The following ATCAY variants were observed in gnomAD, a reference collection of about 807,000 sequenced individuals.
The protein encoded by ATCAY is caytaxin.
In ATCAY, 22 loss-of-function variants were observed where a neutral mutation model predicts 47.7. The observed-to-expected ratio is 0.46, with a 90% CI of 0.33 to 0.66. The LOEUF (loss-of-function observed/expected upper bound fraction) is 0.66. Among genes scored for constraint, ATCAY ranks in the 30% least tolerant of loss-of-function variants. The probability of loss-of-function intolerance (pLI) is 0.02; values close to 1 mark genes in which losing one functional copy is unlikely to be tolerated. For missense variants in ATCAY, 452 were observed against 515.0 expected, an observed-to-expected ratio of 0.88 and a Z score of 1.18; for synonymous variants, 216 against 207.6, an observed-to-expected ratio of 1.04 and a Z score of -0.35.
intron 11 of ATCAY, among the ~76,000 whole-genome samples, chr19:3,919,862 C>A (rs948095327): frequency 6.6e-6 from 1 of 152,154 alleles, no homozygotes; most frequent in African/African-American, 2.4e-5. Flanking sequence ...GATTCAGACT[C>A]CCCCAATCCA....
chr19:3,913,661 C>CGCCTTCTTCAAAGCCATACTATTTA lies in ATCAY; in HGVS notation c.867-97_867-96insGCCTTCTTCAAAGCCATACTATTTA, dbSNP rs1263512372. On this transcript the variant is annotated intron_variant, in intron 8 of 12. Coordinates refer to ENST00000450849, the MANE Select transcript of ATCAY (RefSeq NM_033064.5). ...CACTGGGGCATCCTGGAGTGGGGTCCTGTGGGGATCCCTGTCGCCATGGCT... is the reference window on the plus strand; with the variant it reads ...CACTGGGGCATCCTGGAGTGGGGTCCGCCTTCTTCAAAGCCATACTATTTATGTGGGGATCCCTGTCGCCATGGCT... 19 of 872,350 alleles carry CGCCTTCTTCAAAGCCATACTATTTA rather than the reference C, an allele frequency of 2.2e-5. No individual in the cohort carries two copies. In the African/African-American group the frequency reaches 2.7e-4, roughly 12 times the overall value. The allele number at this position is 872,350 out of a possible 1,614,324, so 54.0% of individuals were successfully genotyped here.
chr19:3,889,740 C>A (rs2038696909), intron 2 of ATCAY, among the ~76,000 whole-genome samples: 1 of 152,146 alleles, frequency 6.6e-6, no homozygotes, highest in Non-Finnish European at 1.5e-5. Context: ...CCTCTTTGGG[C>A]ATCTCAGTGC....
chr19:3,908,481 C>G (rs1237573511), intron 6 of ATCAY, 111 bp downstream of exon 6: 19 of 1,024,564 alleles, frequency 1.9e-5, no homozygotes, highest in Non-Finnish European at 2.7e-5. Flanking sequence ...CTGCCTGGCA[C>G]CAGGGAAGGG....
intron 6 of ATCAY, among the ~76,000 whole-genome samples, chr19:3,908,670 C>T (rs1236306536): frequency 3.3e-5 from 4 of 122,426 alleles, no homozygotes; most frequent in Non-Finnish European, 5.2e-5. Context: ...CTTTCTTCTC[C>T]TCCTTCTCCT....
At chr19:3,886,648 C>T (rs887015705) in intron 2 of ATCAY, among the ~76,000 whole-genome samples, 16 of 150,458 alleles carry the variant, frequency 1.1e-4, no homozygotes, top group African/African-American at 2.2e-4. Flanking sequence ...TCCAGCTACT[C>T]GGGAGGCTGA....
At chr19:3,917,413 T>C (rs2038975019) in intron 9 of ATCAY, among the ~76,000 whole-genome samples, 1 of 151,528 alleles carries the variant, frequency 6.6e-6, no homozygotes, top group African/African-American at 2.4e-5. Context: ...GGAAACCCCG[T>C]CTGTACTAAA....
intron 1 of ATCAY, among the ~76,000 whole-genome samples, chr19:3,884,409 T>C (rs933381302): frequency 1.3e-5 from 2 of 152,122 alleles, no homozygotes; most frequent in African/African-American, 4.8e-5. Context: ...TCACTAGGAC[T>C]TGCTTGAGGG....
rs1218541440 is a variant in ATCAY, at chr19:3,880,889, C to T, written c.-161C>T. On this transcript the variant is annotated 5_prime_UTR_variant, in exon 1 of 13. The change creates a premature stop within an existing upstream ORF in the 5' untranslated region. Transcript: ENST00000450849. ...TCCTCGGATGCAGAATCCGCCCCTGCGAGCATCCTCTTCCTCCTAGGCTCT... is the reference window on the plus strand; with the variant it reads ...TCCTCGGATGCAGAATCCGCCCCTGTGAGCATCCTCTTCCTCCTAGGCTCT... 6.6e-6 allele frequency: 1 copy of T among 152,280 alleles called. No homozygotes were observed. The highest frequency in any genetic ancestry group is 1.5e-5 in the Non-Finnish European group (1 of 68,110). 9.4% of individuals were successfully genotyped at this position (152,280 alleles called of 1,614,324 possible).
chr19:3,885,898 G>A, intron 2 of ATCAY, 54 bp downstream of exon 2: 1 of 1,529,418 alleles, frequency 6.5e-7, no homozygotes, highest in African/African-American at 1.4e-5. Flanking sequence ...GTCTCTCCCA[G>A]GTGGGACACA....
chr19:3,902,430 C>A, intron 2 of ATCAY, 57 bp from the exon 3 acceptor site: 1 of 1,527,852 alleles, frequency 6.5e-7, no homozygotes, highest in African/African-American at 1.4e-5. Context: ...CTCCACTGTC[C>A]TCTGCCTGAA....
intron 11 of ATCAY, 29 bp downstream of exon 11, chr19:3,918,906 A>G: frequency 6.2e-7 from 1 of 1,613,456 alleles, no homozygotes. Flanking sequence ...ATGGGCAGAG[A>G]GCTGACAGTC....
intron 2 of ATCAY, 126 bp downstream of exon 2, chr19:3,885,970 C>T: frequency 5.7e-6 from 5 of 877,782 alleles, no homozygotes; most frequent in East Asian, 5.3e-5. Flanking sequence ...TCCATCTCCG[C>T]GTCCTCCTCT....
intron 8 of ATCAY, among the ~76,000 whole-genome samples, chr19:3,912,331 T>C (rs1479996237): frequency 6.6e-6 from 1 of 151,414 alleles, no homozygotes; most frequent in Non-Finnish European, 1.5e-5. Flanking sequence ...TTTTTTTTTT[T>C]CAGACGGAGT....
At chr19:3,895,716 CTTTTTT>C (rs537910730) in intron 2 of ATCAY, among the ~76,000 whole-genome samples, 2 of 129,670 alleles carry the variant, frequency 1.5e-5, no homozygotes, top group African/African-American at 2.8e-5. Context: ...CTTTTCTTTT[CTTTTTT>C]TTTTTTTTTT....
At chr19:3,895,999 G>A (rs535616353) in intron 2 of ATCAY, among the ~76,000 whole-genome samples, 2 of 152,066 alleles carry the variant, frequency 1.3e-5, no homozygotes, top group Non-Finnish European at 2.9e-5. Flanking sequence ...TCACAGGCAT[G>A]AGCCATCATG....
At chr19:3,919,689 G>A (rs963798961) in intron 11 of ATCAY, among the ~76,000 whole-genome samples, 1 of 151,410 alleles carries the variant, frequency 6.6e-6, no homozygotes, top group Non-Finnish European at 1.5e-5. Flanking sequence ...TGGAGCCCAG[G>A]AGGTCAAGGC....
intron 3 of ATCAY, among the ~76,000 whole-genome samples, 172 bp downstream of exon 3, chr19:3,902,717 T>C (rs1291806966): frequency 2.6e-5 from 4 of 152,150 alleles, no homozygotes; most frequent in Non-Finnish European, 5.9e-5. Context: ...CAATGGATGA[T>C]GGCGCTCTCA....
chr19:3,919,606 A>C (rs535249061), intron 11 of ATCAY, among the ~76,000 whole-genome samples: 3 of 151,878 alleles, frequency 2.0e-5, no homozygotes, highest in Non-Finnish European at 4.4e-5. Flanking sequence ...TAAATAAATA[A>C]ATAAATATCA....
intron 9 of ATCAY, 118 bp from the exon 10 acceptor site, chr19:3,917,624 G>GAAAAAAAAA: frequency 5.3e-6 from 2 of 379,418 alleles, no homozygotes; most frequent in East Asian, 5.3e-5. Context: ...AGAAGAAGAA[G>GAAAAAAAAA]AAGAAAAGAA....
Sources: allele counts gnomAD v4.1 joint callset (sites outside exome capture counted in the v4.1 genomes callset), GRCh38; gene constraint gnomAD v4.1.1; transcripts MANE v1.5; gene names NCBI Gene and HGNC (gene_info 2026-07-23, HGNC 2026-07-21).